Variants in RBFOX1 observed in about 807,000 individuals in gnomAD.
The protein encoded by RBFOX1 is RNA binding protein fox-1 homolog 1.
Under a neutral mutation model 57.7 loss-of-function variants are expected in RBFOX1, and 8 were observed. The ratio of observed to expected loss-of-function variants is 0.14; its 90% CI spans 0.08 to 0.25. The LOEUF (loss-of-function observed/expected upper bound fraction) is 0.25. Among genes scored for constraint, RBFOX1 ranks in the 10% least tolerant of loss-of-function variants. The probability of loss-of-function intolerance (pLI) is 1.00; values close to 1 mark genes in which losing one functional copy is unlikely to be tolerated. For missense variants in RBFOX1, 611 were observed against 548.5 expected (o/e 1.11, Z -1.14); for synonymous variants, 326 against 222.4 (o/e 1.47, Z -4.15).
At chr16:5,356,391 A>G (rs1332559451) in intron 1 of RBFOX1, among the ~76,000 whole-genome samples, 2 of 152,198 alleles carry the variant, frequency 1.3e-5, no homozygotes, top group East Asian at 3.8e-4. Flanking sequence ...AGGAAACTCT[A>G]TAGGGACTAA....
chr16:7,527,084 A>T (rs2078877707), intron 5 of RBFOX1, among the ~76,000 whole-genome samples: 1 of 151,508 alleles, frequency 6.6e-6, no homozygotes, highest in African/African-American at 2.4e-5. Flanking sequence ...CCTTGAGCAA[A>T]CTCCAATAAC....
intron 1 of RBFOX1, among the ~76,000 whole-genome samples, chr16:5,326,228 G>A (rs2064566814): frequency 6.6e-6 from 1 of 152,078 alleles, no homozygotes; most frequent in Admixed American, 6.6e-5. Context: ...TTCTATAGGT[G>A]GGATATTGTA....
intron 4 of RBFOX1, among the ~76,000 whole-genome samples, chr16:7,104,678 G>C (rs1051830580): frequency 2.0e-5 from 3 of 152,092 alleles, no homozygotes; most frequent in African/African-American, 7.2e-5. Flanking sequence ...TTTCCTGTTG[G>C]TTACATATTC....
At chr16:6,563,904 ATG>A (rs984715579) in intron 2 of RBFOX1, among the ~76,000 whole-genome samples, 2 of 151,192 alleles carry the variant, frequency 1.3e-5, no homozygotes, top group East Asian at 1.9e-4. Context: ...ATGTGCGTAT[ATG>A]TGTGTGTGTG....
intron 1 of RBFOX1, among the ~76,000 whole-genome samples, chr16:5,457,394 C>G (rs1423674322): frequency 6.6e-6 from 1 of 152,194 alleles, no homozygotes; most frequent in Non-Finnish European, 1.5e-5. Context: ...CTCGGCCTGT[C>G]AAAGTGCTGG....
At chr16:6,662,797 C>A (rs1185902575) in intron 3 of RBFOX1, among the ~76,000 whole-genome samples, 1 of 123,718 alleles carries the variant, frequency 8.1e-6, no homozygotes, top group East Asian at 2.2e-4. Flanking sequence ...GAGTTACTTT[C>A]TACATATGAC....
intron 2 of RBFOX1, among the ~76,000 whole-genome samples, chr16:6,380,592 G>T (rs1457472684): frequency 6.6e-6 from 1 of 151,754 alleles, no homozygotes; most frequent in Non-Finnish European, 1.5e-5. Flanking sequence ...TCAAATCCTG[G>T]TGTGAAATAA....
At chr16:7,528,215 A>G (rs2079136140) in intron 5 of RBFOX1, among the ~76,000 whole-genome samples, 1 of 152,178 alleles carries the variant, frequency 6.6e-6, no homozygotes, top group Non-Finnish European at 1.5e-5. Context: ...TCCATTGCAA[A>G]TATTAGAGCC....
chr16:6,488,127 C>T (rs1278849336), intron 2 of RBFOX1, among the ~76,000 whole-genome samples: 1 of 152,142 alleles, frequency 6.6e-6, no homozygotes, highest in Non-Finnish European at 1.5e-5. Flanking sequence ...ACAGAGAAGA[C>T]CCCTAAAGGG....
chr16:7,193,799 G>C (rs898277847), intron 4 of RBFOX1, among the ~76,000 whole-genome samples: 7 of 152,166 alleles, frequency 4.6e-5, no homozygotes, highest in African/African-American at 1.7e-4. Context: ...ACAGGTCCTA[G>C]AAGATATTAT....
At chr16:6,332,988 G>A (rs962572016) in intron 2 of RBFOX1, among the ~76,000 whole-genome samples, 1 of 152,134 alleles carries the variant, frequency 6.6e-6, no homozygotes, top group Admixed American at 6.5e-5. Flanking sequence ...AGTTTTGATT[G>A]TATTTTATTA....
chr16:7,677,353 T>G (rs1251758704), intron 14 of RBFOX1, among the ~76,000 whole-genome samples: 1 of 152,182 alleles, frequency 6.6e-6, no homozygotes, highest in Non-Finnish European at 1.5e-5. Context: ...AGAGTGTCCC[T>G]GGCATTCATA....
At chr16:7,702,122 T>C (rs908650543) in intron 14 of RBFOX1, among the ~76,000 whole-genome samples, 1 of 152,206 alleles carries the variant, frequency 6.6e-6, no homozygotes, top group African/African-American at 2.4e-5. Context: ...CTCAAATGGA[T>C]GCGCACTGGG....
chr16:7,385,162 C>T (rs753333190), intron 4 of RBFOX1, among the ~76,000 whole-genome samples: 10 of 152,258 alleles, frequency 6.6e-5, no homozygotes, highest in Middle Eastern at 3.4e-3. Flanking sequence ...TTGTTAACCA[C>T]GATAATGAAT....
At chr16:7,369,885 G>A (rs2097536067) in intron 4 of RBFOX1, among the ~76,000 whole-genome samples, 1 of 152,168 alleles carries the variant, frequency 6.6e-6, no homozygotes, top group South Asian at 2.1e-4. Context: ...AAAACAGCAA[G>A]GCTTATCCCC....
chr16:6,769,771 C>T (rs1398412063), intron 3 of RBFOX1, among the ~76,000 whole-genome samples: 1 of 152,272 alleles, frequency 6.6e-6, no homozygotes, highest in South Asian at 2.1e-4. Flanking sequence ...GAGATGTGTT[C>T]TAAACTTACC....
At chr16:7,464,075 C>G (rs2060050306) in intron 4 of RBFOX1, among the ~76,000 whole-genome samples, 3 of 152,296 alleles carry the variant, frequency 2.0e-5, no homozygotes, top group South Asian at 2.1e-4. Context: ...TTCCTTGTAT[C>G]TATGCCATCT....
At chr16:7,235,525 T>C (rs1358532568) in intron 4 of RBFOX1, among the ~76,000 whole-genome samples, 2 of 152,186 alleles carry the variant, frequency 1.3e-5, no homozygotes, top group African/African-American at 4.8e-5. Context: ...TGGGCCCCCG[T>C]AGCTTCATCG....
intron 3 of RBFOX1, among the ~76,000 whole-genome samples, chr16:6,938,256 A>G (rs1000303046): frequency 6.6e-6 from 1 of 152,206 alleles, no homozygotes; most frequent in African/African-American, 2.4e-5. Flanking sequence ...GGTTGCAGAT[A>G]CAATAATGCT....
Sources: allele counts gnomAD v4.1 joint callset (sites outside exome capture counted in the v4.1 genomes callset), GRCh38; gene constraint gnomAD v4.1.1; transcripts MANE v1.5; gene names NCBI Gene and HGNC (gene_info 2026-07-23, HGNC 2026-07-21).